Variants in PLCH1 observed in about 807,000 individuals in gnomAD.
The protein encoded by PLCH1 is phospholipase C eta 1, also known as 1-phosphatidylinositol 4,5-bisphosphate phosphodiesterase eta-1.
In PLCH1, 60 loss-of-function variants were observed where a neutral mutation model predicts 126.7. The ratio of observed to expected loss-of-function variants is 0.47; its 90% CI spans 0.38 to 0.59. The LOEUF (loss-of-function observed/expected upper bound fraction) is 0.59. Among genes scored for constraint, PLCH1 ranks in the 20% least tolerant of loss-of-function variants. The pLI, the probability that PLCH1 is intolerant of heterozygous loss-of-function variation, is 0.00. For missense variants in PLCH1, 1,723 were observed against 2,040.0 expected (o/e 0.84, Z 2.99); for synonymous variants, 719 against 734.9 (o/e 0.98, Z 0.35).
chr3:155,588,290 C>A (rs1267353011), intron 4 of PLCH1, among the ~76,000 whole-genome samples: 1 of 152,090 alleles, frequency 6.6e-6, no homozygotes, highest in African/African-American at 2.4e-5. Context: ...TTTTATATGA[C>A]CCCTGGAAGT....
chr3:155,535,863 C>T (rs1017675026), intron 10 of PLCH1, among the ~76,000 whole-genome samples: 1 of 152,176 alleles, frequency 6.6e-6, no homozygotes, highest in African/African-American at 2.4e-5. Flanking sequence ...ACAACTAGCA[C>T]AACCAGCATT....
chr3:155,521,948 T>C (rs1045256392), intron 11 of PLCH1, among the ~76,000 whole-genome samples: 2 of 152,166 alleles, frequency 1.3e-5, no homozygotes, highest in Non-Finnish European at 2.9e-5. Flanking sequence ...TTCCAAACCA[T>C]CTCCTGATGT....
rs972755713 is a variant in PLCH1 at position 155,546,005 on chromosome 3, C to A, written c.1362+3782G>T. On this transcript the variant is annotated intron_variant, in intron 10 of 22. Transcript: ENST00000460012. The stretch of plus-strand genomic sequence containing the variant: ...GACAGGGATGCCCTCTCTCACCACT[C>A]CTATTCAACATAGTGTTGGAAGTTC... Among the ~76,000 whole-genome samples the A allele has an allele frequency of 4.6e-5, 7 of 152,002 alleles. No individual in the cohort carries two copies. In the East Asian group the frequency reaches 7.7e-4, roughly 17 times the overall value.
rs967580606 is a variant in PLCH1, at chr3:155,735,001, G to A, written c.-41+9839C>T. On this transcript the variant is annotated intron_variant, in intron 1 of 22. Transcript: ENST00000460012. Reference sequence around the variant, plus strand: ...TGGGATTACAGGCGTGAGCCACCGCGCCCAGCCTATACACAGTAGCATTCT... The same window carrying A: ...TGGGATTACAGGCGTGAGCCACCGCACCCAGCCTATACACAGTAGCATTCT... Among the ~76,000 whole-genome samples, 29 of 152,000 alleles carry A rather than the reference G, an allele frequency of 1.9e-4. 1 individual carries two copies. The highest frequency in any genetic ancestry group is 3.7e-4 in the Non-Finnish European group (25 of 67,986).
At position 155,497,253 on chromosome 3, in the gene PLCH1, T is replaced by C. The variant is rs1303610107; in HGVS notation, c.1894+67A>G. 10 of 1,152,990 alleles carry C rather than the reference T, an allele frequency of 8.7e-6. 1 individual carries two copies. In the South Asian group the frequency reaches 9.1e-5, roughly 11 times the overall value. 71.4% of individuals were successfully genotyped at this position (1,152,990 alleles called of 1,614,324 possible). A position where few individuals can be genotyped will look rare whatever the true frequency, so the allele number is the denominator to read the frequency against. ...GATAATGGGATTAACAAAAATTCATTAACAATTGAAAAAGAAAGGTCAAGA... is the reference window on the plus strand; with the variant it reads ...GATAATGGGATTAACAAAAATTCATCAACAATTGAAAAAGAAAGGTCAAGA... On this transcript the variant is annotated intron_variant, in intron 15 of 22. Transcript: ENST00000460012.
intron 10 of PLCH1, among the ~76,000 whole-genome samples, chr3:155,536,990 T>C (rs1723436442): frequency 6.6e-6 from 1 of 152,082 alleles, no homozygotes; most frequent in African/African-American, 2.4e-5. Context: ...GCCAAAATCC[T>C]ACAAGCTAGA....
In PLCH1 at chr3:155,499,278, G is replaced by A. The variant is rs201994830; in HGVS notation, c.1796+1425C>T. On this transcript the variant is annotated intron_variant, in intron 14 of 22. Transcript: ENST00000460012. ...TAGGAGAAAAGTGGGTAAGTGAGGG[G>A]AATGTGATGGTCTGCTGAGAACTTT... Among the ~76,000 whole-genome samples the A allele has an allele frequency of 6.6e-5, 10 of 152,282 alleles. No individual in the cohort carries two copies. The East Asian group carries it at 1.9e-3, about 29-fold the overall frequency.
chr3:155,722,983 C>G (rs747606368), intron 1 of PLCH1, among the ~76,000 whole-genome samples: 5 of 152,110 alleles, frequency 3.3e-5, no homozygotes, highest in Non-Finnish European at 7.4e-5. Flanking sequence ...TTTTTTACTA[C>G]CATTTCAATC....
chr3:155,566,206 TAC>T lies in PLCH1; in HGVS notation c.866-1090_866-1089del, dbSNP rs573215677. Among the ~76,000 whole-genome samples, 13 of 97,040 alleles carry T rather than the reference TAC, an allele frequency of 1.3e-4. 1 individual carries two copies. The highest frequency in any genetic ancestry group is 3.4e-4 in the African/African-American group (11 of 32,780). The allele number at this position is 97,040 out of a possible 152,430, so 63.7% of individuals were successfully genotyped here. ...ACACATATATATACACATACATATA[TAC>T]ACATATATACGTATATATACACATA... On this transcript the variant is annotated intron_variant, in intron 7 of 22. Transcript: ENST00000460012.
rs199888160 is a variant in PLCH1 at position 155,655,436 on chromosome 3, A to AT, written c.79+48709_79+48710insA. On this transcript the variant is annotated intron_variant, in intron 2 of 22. Transcript: ENST00000460012. ...ACAGAGCAAGAAACTTGTGAGAAAA[A>AT]AAAAAAGAAGAAGAAGAAGAAGAGA... Among the ~76,000 whole-genome samples, 473 of 148,252 alleles carry AT rather than the reference A, an allele frequency of 3.2e-3. 3 individuals are homozygous for AT. The highest frequency in any genetic ancestry group is 0.011 in the African/African-American group (442 of 39,372).
intron 2 of PLCH1, among the ~76,000 whole-genome samples, chr3:155,676,897 A>G (rs1744140782): frequency 6.6e-6 from 1 of 152,154 alleles, no homozygotes. Context: ...GAATGGGTCT[A>G]AAAAAGTCAG....
intron 12 of PLCH1, among the ~76,000 whole-genome samples, chr3:155,505,514 G>A (rs1718523266): frequency 6.6e-6 from 1 of 152,150 alleles, no homozygotes; most frequent in Non-Finnish European, 1.5e-5. Context: ...AAATGTGGGT[G>A]AGAAAAAACA....
At chr3:155,598,324 T>C (rs1230996703) in intron 2 of PLCH1, among the ~76,000 whole-genome samples, 1 of 152,216 alleles carries the variant, frequency 6.6e-6, no homozygotes, top group African/African-American at 2.4e-5. Flanking sequence ...CAATGAAAGC[T>C]ACATAGTTGA....
At position 155,522,913 on chromosome 3, in the gene PLCH1, G is replaced by T. The variant is rs1411957487; in HGVS notation, c.1470+984C>A. ...TTTTTAAGTCTTATATTTCCCTCAG[G>T]TTTGTATTTCCCTTGGATCACCTGG... On this transcript the variant is annotated intron_variant, in intron 11 of 22. Transcript: ENST00000460012. 4.0e-5 allele frequency among the ~76,000 whole-genome samples: 5 copies of T among 126,526 alleles called. No homozygotes were observed. In the East Asian group the frequency reaches 1.2e-3, roughly 30 times the overall value. The allele number at this position is 126,526 out of a possible 152,430, so 83.0% of individuals were successfully genotyped here.
Position 155,596,288 on chromosome 3 carries a change from T to A in PLCH1, c.170A>T (p.Asp57Val), listed in dbSNP as rs1365877978. The A allele has an allele frequency of 6.2e-7, 1 of 1,613,792 alleles. No individual in the cohort carries two copies. Among genetic ancestry groups the A allele is most frequent in the Non-Finnish European group, 8.5e-7 (1 of 1,179,704 alleles). ...CCATCGGAGGCGTGTCCGGTGCTCA[T>A]CCAGGTAAAAGAGGCGGACAAGCCC... is the stretch of plus-strand genomic sequence containing the variant. ...TKGLVRLFYL[D>V]EHRTRLRWRP... The change falls in exon 3 of 23, where the codon GAT becomes GTT. Residue 57 changes from aspartate (D) to valine (V), a missense_variant. Asp to Val is a radical substitution (Grantham distance 152). Around this residue, in one of 2 missense-constraint regions of PLCH1, gnomAD observed 776 missense variants for 1,062.9 expected, o/e 0.73. Coordinates refer to ENST00000460012, the MANE Select transcript of PLCH1 (RefSeq NM_014996.4).
chr3:155,465,860 C>T (rs1234127104), intron 21 of PLCH1, among the ~76,000 whole-genome samples: 1 of 152,132 alleles, frequency 6.6e-6, no homozygotes, highest in African/African-American at 2.4e-5. Context: ...TCCTCATGGC[C>T]TGGGGTGGCA....
chr3:155,734,747 C>T (rs1376744110), intron 1 of PLCH1, among the ~76,000 whole-genome samples: 4 of 145,952 alleles, frequency 2.7e-5, no homozygotes, highest in South Asian at 2.2e-4. Flanking sequence ...CTCGCTCTGT[C>T]GCCCAGGCTG....
intron 21 of PLCH1, among the ~76,000 whole-genome samples, chr3:155,453,968 T>C (rs905740129): frequency 1.3e-5 from 2 of 152,080 alleles, no homozygotes; most frequent in East Asian, 1.9e-4. Flanking sequence ...ATTAAAATTG[T>C]ACTCCAGAGA....
intron 2 of PLCH1, among the ~76,000 whole-genome samples, chr3:155,664,547 T>C (rs778462059): frequency 6.6e-6 from 1 of 152,214 alleles, no homozygotes; most frequent in East Asian, 1.9e-4. Context: ...TTAGAAAATA[T>C]GTACACTATT....
Sources: allele counts gnomAD v4.1 joint callset (sites outside exome capture counted in the v4.1 genomes callset), GRCh38; gene constraint gnomAD v4.1.1; regional missense constraint gnomAD v4.1.1; transcripts MANE v1.5; gene names NCBI Gene and HGNC (gene_info 2026-07-23, HGNC 2026-07-21).